WLS: variants seen among roughly 807,000 people sequenced by gnomAD.
The protein encoded by WLS is Wnt ligand secretion mediator.
In WLS, 23 loss-of-function variants were observed where a neutral mutation model predicts 62.8. The observed-to-expected ratio is 0.37, with a 90% confidence interval of 0.26 to 0.52. WLS has a LOEUF of 0.52. WLS is among the 20% of genes least tolerant of loss of function. The pLI is 0.92. For synonymous variants in WLS, 246 were observed against 244.1 expected (o/e 1.01, Z -0.07); for missense variants, 615 against 697.3 (o/e 0.88, Z 1.33).
intron 1 of WLS, among the ~76,000 whole-genome samples, chr1:68,209,239 A>G (rs939542204): frequency 1.3e-5 from 2 of 152,108 alleles, no homozygotes; most frequent in South Asian, 4.1e-4. Flanking sequence ...CTTTACCCCA[A>G]TCATCCAGGC....
intron 11 of WLS, among the ~76,000 whole-genome samples, chr1:68,113,210 A>G (rs1429582083): frequency 5.3e-5 from 8 of 152,214 alleles, no homozygotes; most frequent in Non-Finnish European, 8.8e-5. Flanking sequence ...CCGTATCCTT[A>G]TAGGTGGAGG....
At chr1:68,199,856 T>C (rs1256188872) in intron 1 of WLS, among the ~76,000 whole-genome samples, 1 of 151,830 alleles carries the variant, frequency 6.6e-6, no homozygotes, top group Non-Finnish European at 1.5e-5. Context: ...AGTGAGAGGG[T>C]AGTCAGGTGG....
chr1:68,150,159 A>G (rs769893141), intron 6 of WLS, 29 bp downstream of exon 6: 12 of 1,609,706 alleles, frequency 7.5e-6, no homozygotes, highest in Non-Finnish European at 1.0e-5. Context: ...CAGCTGGTAC[A>G]GACGTCTGTC....
chr1:68,148,011 T>G, intron 8 of WLS, 125 bp downstream of exon 8: 2 of 982,222 alleles, frequency 2.0e-6, no homozygotes. Flanking sequence ...CTGTTATGAT[T>G]GGCCTGAGAA....
Position 68,170,465 on chromosome 1 carries a change from G to C in WLS, c.380-11218C>G, listed in dbSNP as rs191703827. 3.8e-3 allele frequency among the ~76,000 whole-genome samples: 585 copies of C among 152,144 alleles called. 1 individual carries two copies. Among genetic ancestry groups the C allele is most frequent in the African/African-American group, 0.013 (535 of 41,490 alleles). On this transcript the variant is annotated intron_variant, in intron 2 of 11. Transcript: ENST00000262348. ...TTACAGGTGTGAGCCACCGCGCTCG[G>C]CCGCTGGCTGCTATTTCAAGGCTAG...
chr1:68,173,554 TA>T (rs1647186281), intron 2 of WLS, among the ~76,000 whole-genome samples: 1 of 152,202 alleles, frequency 6.6e-6, no homozygotes, highest in Admixed American at 6.5e-5. Flanking sequence ...ATGGCTAATT[TA>T]ACTTAACAAC....
chr1:68,230,588 C>CGT (rs145944948), intron 1 of WLS, among the ~76,000 whole-genome samples: 16,172 of 149,038 alleles, frequency 0.11, 1,368 homozygotes, highest in East Asian at 0.37. Context: ...TGTGTGCGCG[C>CGT]GTGTGTGTGT....
At chr1:68,139,685 T>A (rs549508362) in intron 10 of WLS, among the ~76,000 whole-genome samples, 11 of 152,338 alleles carry the variant, frequency 7.2e-5, no homozygotes, top group African/African-American at 2.6e-4. Context: ...CTTGCTAGGA[T>A]TGACATGACT....
intron 2 of WLS, among the ~76,000 whole-genome samples, chr1:68,163,384 G>A (rs2772308): frequency 0.2 from 30,601 of 151,718 alleles, 3,406 homozygotes; most frequent in East Asian, 0.36. Context: ...GGTGGCTCCC[G>A]CCCCTCCCAC....
chr1:68,163,123 A>G (rs1032097050), intron 2 of WLS: 96 of 1,432,766 alleles, frequency 6.7e-5, no homozygotes, highest in Non-Finnish European at 9.1e-5. Context: ...TCAGATCAAA[A>G]GGCAAAGCAG....
chr1:68,211,637 T>C (rs1649520927), intron 1 of WLS, among the ~76,000 whole-genome samples: 1 of 152,236 alleles, frequency 6.6e-6, no homozygotes, highest in Non-Finnish European at 1.5e-5. Flanking sequence ...GTGATTGTTC[T>C]AGGGACATAG....
chr1:68,154,305 A>C (rs1009179531), intron 4 of WLS, among the ~76,000 whole-genome samples: 4 of 152,212 alleles, frequency 2.6e-5, no homozygotes, highest in Non-Finnish European at 5.9e-5. Context: ...ATTACGATTA[A>C]GTACATGATC....
intron 4 of WLS, among the ~76,000 whole-genome samples, chr1:68,154,365 T>C (rs1646868105): frequency 6.6e-6 from 1 of 152,222 alleles, no homozygotes; most frequent in South Asian, 2.1e-4. Context: ...TCCTAGATGG[T>C]CAATATGTTG....
At chr1:68,153,478 G>A in intron 5 of WLS, 39 bp downstream of exon 5, 2 of 1,612,380 alleles carry the variant, frequency 1.2e-6, no homozygotes, top group Non-Finnish European at 1.7e-6. Flanking sequence ...ATCATGAGAA[G>A]CCAGTATTCC....
chr1:68,104,699 C>T (rs1646121869), intron 11 of WLS, among the ~76,000 whole-genome samples: 1 of 152,140 alleles, frequency 6.6e-6, no homozygotes, highest in Non-Finnish European at 1.5e-5. Flanking sequence ...CTCTTGAGCC[C>T]AGGAGTTTGA....
At chr1:68,130,730 C>T (rs1002079470) in intron 11 of WLS, among the ~76,000 whole-genome samples, 2 of 151,992 alleles carry the variant, frequency 1.3e-5, no homozygotes, top group Middle Eastern at 3.2e-3. Context: ...AAAATAGTGT[C>T]GCTGGTGCAG....
Position 68,150,317 on chromosome 1 carries a change from A to G in WLS, c.843T>C (p.Asn281=). 3 of 1,614,216 alleles carry G rather than the reference A, an allele frequency of 1.9e-6. No homozygotes were observed. Among genetic ancestry groups the G allele is most frequent in the African/African-American group, 1.3e-5 (1 of 75,060 alleles). Residue 281 remains asparagine (N), a synonymous_variant, in exon 6 of 12, where the codon AAT becomes AAC. Transcript: ENST00000262348. ...FALGISMTFI[N]IPVEWFSIGF... ...CGATGGAAAACCATTCCACTGGGAT[A>G]TTGATAAAGGTCATGGAAATCCCAA... is the stretch of plus-strand genomic sequence containing the variant.
At chr1:68,112,453 C>T (rs1646240158) in intron 11 of WLS, among the ~76,000 whole-genome samples, 4 of 152,206 alleles carry the variant, frequency 2.6e-5, no homozygotes. Flanking sequence ...CACGGCCTGA[C>T]ATTCAATGCT....
intron 2 of WLS, chr1:68,183,441 T>G (rs1272850730): frequency 2.3e-6 from 1 of 438,446 alleles, no homozygotes; most frequent in African/African-American, 2.0e-5. Flanking sequence ...ATAGTTCTTA[T>G]AGTGTATAAA....
Sources: gnomAD v4.1 joint callset for allele counts (sites outside exome capture counted in the v4.1 genomes callset) on GRCh38, gnomAD v4.1.1 for gene constraint, MANE v1.5 for transcripts, NCBI Gene and HGNC (gene_info 2026-07-23, HGNC 2026-07-21) for gene names.